The following USPL1 variants were observed in gnomAD, a reference collection of about 807,000 sequenced individuals.
USPL1 encodes SUMO-specific isopeptidase USPL1.
In USPL1, 27 loss-of-function variants were observed where a neutral mutation model predicts 51.5. That is an observed-to-expected ratio of 0.52 (90% CI 0.39 to 0.72). USPL1 has a LOEUF of 0.72. Ranked by LOEUF, USPL1 falls within the 30% of genes least tolerant of loss-of-function variation. USPL1 has a pLI of 0.00. For synonymous variants in USPL1, 451 were observed against 459.6 expected (o/e 0.98, Z 0.24); for missense variants, 1,226 against 1,268.0 (o/e 0.97, Z 0.50).
intron 7 of USPL1, among the ~76,000 whole-genome samples, chr13:30,651,513 C>A (rs1003008085): frequency 6.6e-6 from 1 of 152,156 alleles, no homozygotes; most frequent in African/African-American, 2.4e-5. Flanking sequence ...TTATTTATCA[C>A]GTTAATATGT....
chr13:30,626,241 T>C (rs1950713976), intron 3 of USPL1, among the ~76,000 whole-genome samples: 1 of 151,992 alleles, frequency 6.6e-6, no homozygotes, highest in Non-Finnish European at 1.5e-5. Context: ...TTGAAGCCAG[T>C]GGCAGAAGTT....
At chr13:30,654,486 G>C (rs1387230874) in intron 8 of USPL1, among the ~76,000 whole-genome samples, 1 of 151,624 alleles carries the variant, frequency 6.6e-6, no homozygotes, top group Non-Finnish European at 1.5e-5. Context: ...TCCTGCCTCA[G>C]CTTCCTGAGT....
intron 3 of USPL1, among the ~76,000 whole-genome samples, chr13:30,623,718 C>T (rs529805070): frequency 7.2e-5 from 11 of 152,202 alleles, no homozygotes; most frequent in African/African-American, 1.2e-4. Context: ...AGAGAATTAA[C>T]GGGTTAGAAC....
chr13:30,652,130 G>A (rs1951099943), intron 7 of USPL1, among the ~76,000 whole-genome samples: 2 of 152,280 alleles, frequency 1.3e-5, no homozygotes, highest in South Asian at 2.1e-4. Context: ...TTGGCAGCAT[G>A]TTTTCATAGT....
At chr13:30,640,329 T>C (rs1328569059) in intron 5 of USPL1, among the ~76,000 whole-genome samples, 1 of 152,234 alleles carries the variant, frequency 6.6e-6, no homozygotes, top group Non-Finnish European at 1.5e-5. Context: ...TGTTTATGCA[T>C]ACAGTGTTGC....
chr13:30,637,067 C>T (rs749654412), intron 4 of USPL1, among the ~76,000 whole-genome samples: 23 of 152,138 alleles, frequency 1.5e-4, no homozygotes, highest in Non-Finnish European at 2.2e-4. Flanking sequence ...ATGATCCTCC[C>T]ACCTCAGCCT....
Position 30,658,291 on chromosome 13 carries a change from A to T in USPL1, c.2214A>T (p.Thr738=), listed in dbSNP as rs1566062433. Reference sequence around the variant, plus strand: ...CTACAGCAGATTCTCAAACCACAACATCTAAGTCATTACAGAATCAGTCTC... The same window carrying T: ...CTACAGCAGATTCTCAAACCACAACTTCTAAGTCATTACAGAATCAGTCTC... ...KETTADSQTT[T]SKSLQNQSLK... Residue 738 remains threonine (T), a synonymous_variant, in exon 9 of 9, where the codon ACA becomes ACT. Coordinates refer to ENST00000255304, the MANE Select transcript of USPL1 (RefSeq NM_005800.5). The T allele has an allele frequency of 1.9e-6, 3 of 1,613,984 alleles. No homozygotes were observed. Among genetic ancestry groups the T allele is most frequent in the Non-Finnish European group, 2.5e-6 (3 of 1,180,018 alleles).
chr13:30,656,185 C>G (rs1052173474), intron 8 of USPL1, among the ~76,000 whole-genome samples: 2 of 152,186 alleles, frequency 1.3e-5, no homozygotes, highest in East Asian at 3.8e-4. Flanking sequence ...CTTTACTTCT[C>G]AGCCGTACTT....
chr13:30,638,007 T>G, intron 5 of USPL1, 150 bp downstream of exon 5: 1 of 684,310 alleles, frequency 1.5e-6, no homozygotes, highest in Non-Finnish European at 2.5e-6. Context: ...AATCTACCAC[T>G]GGGTAAGTTA....
intron 7 of USPL1, among the ~76,000 whole-genome samples, chr13:30,648,740 A>G (rs1163423980): frequency 2.0e-5 from 3 of 151,994 alleles, no homozygotes; most frequent in Non-Finnish European, 4.4e-5. Context: ...ATTTGATAGC[A>G]TTTGTGTAGG....
intron 3 of USPL1, among the ~76,000 whole-genome samples, chr13:30,630,183 G>T (rs1335541770): frequency 1.3e-5 from 2 of 152,002 alleles, no homozygotes; most frequent in Admixed American, 1.3e-4. Context: ...TTAGTGTAGA[G>T]GGTTCTTGAA....
At chr13:30,649,978 T>C (rs1951067839) in intron 7 of USPL1, among the ~76,000 whole-genome samples, 1 of 152,190 alleles carries the variant, frequency 6.6e-6, no homozygotes, top group Admixed American at 6.5e-5. Flanking sequence ...CATCCTTCAC[T>C]GACAGTTCAG....
chr13:30,637,852 C>T lies in USPL1; in HGVS notation c.977C>T (p.Thr326Ile), dbSNP rs759344422. 1.2e-6 allele frequency: 2 copies of T among 1,610,424 alleles called. No homozygotes were observed. Among genetic ancestry groups the T allele is most frequent in the African/African-American group, 1.3e-5 (1 of 74,782 alleles). The change falls in exon 5 of 9, where the codon ACA becomes ATA. Residue 326 changes from threonine (T) to isoleucine (I), a missense_variant. Transcript: ENST00000255304. Reference sequence around the variant, plus strand: ...AGCCTTCAGCCCCAGCTTAGATGCACATTAGGTAAGTAATTGGTAAAACTT... The same window carrying T: ...AGCCTTCAGCCCCAGCTTAGATGCATATTAGGTAAGTAATTGGTAAAACTT... ...FISLQPQLRC[T>I]LGDMESPVFA...
intron 5 of USPL1, among the ~76,000 whole-genome samples, chr13:30,641,979 T>G (rs1260725863): frequency 6.6e-6 from 1 of 151,940 alleles, no homozygotes; most frequent in African/African-American, 2.4e-5. Context: ...TGATCATAGC[T>G]CACTGCAGCC....
intron 8 of USPL1, among the ~76,000 whole-genome samples, chr13:30,655,589 G>T (rs182929313): frequency 6.6e-6 from 1 of 152,294 alleles, no homozygotes; most frequent in East Asian, 1.9e-4. Context: ...TGTGCTCTGA[G>T]AAATCTTTTT....
intron 4 of USPL1, among the ~76,000 whole-genome samples, chr13:30,634,243 G>A (rs1467126748): frequency 6.6e-6 from 1 of 152,202 alleles, no homozygotes; most frequent in Non-Finnish European, 1.5e-5. Context: ...ACCACAGGCA[G>A]GAGTGTAGAC....
chr13:30,620,485 G>C (rs1364933121), intron 1 of USPL1, among the ~76,000 whole-genome samples: 2 of 152,196 alleles, frequency 1.3e-5, no homozygotes, highest in African/African-American at 4.8e-5. Flanking sequence ...TACTAGGACA[G>C]TGTTTATATT....
At position 30,647,952 on chromosome 13, in the gene USPL1, T is replaced by G. The variant is rs142823562; in HGVS notation, c.1238+895T>G. On this transcript the variant is annotated intron_variant, in intron 7 of 8. Transcript: ENST00000255304. Reference sequence around the variant, plus strand: ...TTTAAACCTTCAAATTAAGGTAGTATTTACTTTTACTTTTCAAATTGATGT... The same window carrying G: ...TTTAAACCTTCAAATTAAGGTAGTAGTTACTTTTACTTTTCAAATTGATGT... 5.2e-3 allele frequency among the ~76,000 whole-genome samples: 795 copies of G among 152,278 alleles called. 10 individuals are homozygous for G. The highest frequency in any genetic ancestry group is 0.017 in the African/African-American group (711 of 41,542).
chr13:30,627,134 T>G (rs780416871), intron 3 of USPL1, among the ~76,000 whole-genome samples: 1 of 152,024 alleles, frequency 6.6e-6, no homozygotes, highest in Non-Finnish European at 1.5e-5. Flanking sequence ...GGATTTTAAA[T>G]GATACTAGAT....
Sources: allele counts gnomAD v4.1 joint callset (sites outside exome capture counted in the v4.1 genomes callset), GRCh38; gene constraint gnomAD v4.1.1; transcripts MANE v1.5; gene names NCBI Gene and HGNC (gene_info 2026-07-23, HGNC 2026-07-21).